Variants in GLDC observed in about 807,000 individuals in gnomAD.
GLDC encodes the protein glycine dehydrogenase (decarboxylating), mitochondrial.
A neutral mutation model predicts 121.3 loss-of-function variants in GLDC; 104 were observed. That is an observed-to-expected ratio of 0.86 (90% CI 0.73 to 1.01). The LOEUF (loss-of-function observed/expected upper bound fraction) is 1.01, where lower values mean the gene tolerates loss of function less well. Ranked by LOEUF, GLDC falls within the 50% of genes least tolerant of loss-of-function variation. The pLI is 0.00. For synonymous variants in GLDC, 546 were observed against 480.6 expected (o/e 1.14, Z -1.78); for missense variants, 1,429 against 1,306.6 (o/e 1.09, Z -1.44).
At chr9:6,618,389 C>A (rs1048676815) in intron 3 of GLDC, among the ~76,000 whole-genome samples, 1 of 152,186 alleles carries the variant, frequency 6.6e-6, no homozygotes, top group Non-Finnish European at 1.5e-5. Context: ...CTCACCACAA[C>A]CTCCACCTCC....
chr9:6,556,345 T>C (rs1563835911), intron 17 of GLDC, 43 bp from the exon 18 acceptor site: 4 of 1,557,230 alleles, frequency 2.6e-6, no homozygotes, highest in Non-Finnish European at 3.5e-6. Flanking sequence ...AGGGAGGATA[T>C]GTTTCTTTCT....
intron 20 of GLDC, among the ~76,000 whole-genome samples, chr9:6,553,080 T>C (rs780707555): frequency 4.6e-5 from 7 of 152,202 alleles, no homozygotes; most frequent in Non-Finnish European, 1.0e-4. Flanking sequence ...ATATGACTCA[T>C]GGAACTTAGC....
chr9:6,617,292 GTACAGGACAACA>G (rs764532891), intron 3 of GLDC, among the ~76,000 whole-genome samples: 10 of 152,162 alleles, frequency 6.6e-5, no homozygotes, highest in Non-Finnish European at 1.2e-4. Flanking sequence ...TAAATGAAAA[GTACAGGACAACA>G]TCATCTCCTT....
intron 21 of GLDC, 139 bp from the exon 22 acceptor site, chr9:6,540,285 T>G (rs1433705884): frequency 4.3e-6 from 3 of 696,118 alleles, no homozygotes; most frequent in Admixed American, 2.2e-5. Flanking sequence ...GGGCACCGGG[T>G]AAGTTTATTA....
chr9:6,631,136 T>G (rs1002775114), intron 2 of GLDC, among the ~76,000 whole-genome samples: 6 of 152,222 alleles, frequency 3.9e-5, no homozygotes, highest in African/African-American at 1.4e-4. Context: ...AACCTGGGGC[T>G]CTGAGTCTCC....
intron 21 of GLDC, among the ~76,000 whole-genome samples, chr9:6,547,992 G>T (rs528362667): frequency 6.6e-6 from 1 of 152,170 alleles, no homozygotes; most frequent in African/African-American, 2.4e-5. Flanking sequence ...AAATAAATTA[G>T]CCAGGTGTGG....
intron 15 of GLDC, among the ~76,000 whole-genome samples, chr9:6,583,130 T>C (rs1818203821): frequency 6.6e-6 from 1 of 152,082 alleles, no homozygotes; most frequent in Non-Finnish European, 1.5e-5. Flanking sequence ...TGTTAAATGG[T>C]GCAACCCCTG....
At chr9:6,556,623 T>C (rs1251379398) in intron 17 of GLDC, among the ~76,000 whole-genome samples, 4 of 151,974 alleles carry the variant, frequency 2.6e-5, no homozygotes, top group Non-Finnish European at 5.9e-5. Context: ...TGAAACCCCG[T>C]CTCTACTAAA....
intron 17 of GLDC, among the ~76,000 whole-genome samples, chr9:6,557,158 T>C (rs1817650862): frequency 6.6e-6 from 1 of 152,020 alleles, no homozygotes; most frequent in South Asian, 2.1e-4. Flanking sequence ...AAGGAGGATA[T>C]TGAACGTTCC....
intron 3 of GLDC, among the ~76,000 whole-genome samples, chr9:6,611,334 G>A (rs1028702679): frequency 5.9e-5 from 9 of 152,186 alleles, no homozygotes; most frequent in Non-Finnish European, 1.3e-4. Context: ...AAGGCGGGCG[G>A]ATCACGAGGT....
At chr9:6,641,011 G>C (rs1244896423) in intron 2 of GLDC, among the ~76,000 whole-genome samples, 1 of 152,166 alleles carries the variant, frequency 6.6e-6, no homozygotes, top group African/African-American at 2.4e-5. Flanking sequence ...ACTTGAGCAG[G>C]ACAGGATTTT....
chr9:6,572,415 G>C (rs1441252146), intron 15 of GLDC, among the ~76,000 whole-genome samples: 3 of 152,212 alleles, frequency 2.0e-5, no homozygotes, highest in Non-Finnish European at 4.4e-5. Context: ...GCTGAGTTTA[G>C]AGGTGTGTGT....
chr9:6,546,326 G>A (rs1250058947), intron 21 of GLDC, among the ~76,000 whole-genome samples: 3 of 151,506 alleles, frequency 2.0e-5, no homozygotes, highest in Non-Finnish European at 4.4e-5. Context: ...CCAAGTAGCT[G>A]GGACTACAGG....
chr9:6,623,911 A>C (rs1819174825), intron 2 of GLDC, among the ~76,000 whole-genome samples: 1 of 152,262 alleles, frequency 6.6e-6, no homozygotes. Context: ...ATTAATTAGC[A>C]GTGCCTTGTA....
chr9:6,568,558 G>T (rs1354401388), intron 15 of GLDC, among the ~76,000 whole-genome samples: 1 of 152,094 alleles, frequency 6.6e-6, no homozygotes, highest in African/African-American at 2.4e-5. Flanking sequence ...GAAAAACAAG[G>T]CCCTCCATGC....
chr9:6,610,113 A>AATATGT, intron 4 of GLDC, 79 bp downstream of exon 4: 1 of 1,096,462 alleles, frequency 9.1e-7, no homozygotes. Context: ...AGTAATATTC[A>AATATGT]CAATATACTA....
rs188662955 is a variant in GLDC at position 6,585,462 on chromosome 9, C to G, written c.1850+1679G>C. 3.1e-3 allele frequency among the ~76,000 whole-genome samples: 470 copies of G among 152,288 alleles called. 1 individual carries two copies. The highest frequency in any genetic ancestry group is 5.1e-3 in the Non-Finnish European group (350 of 68,040). Reference sequence around the variant, plus strand: ...AGAAGGTATACTAAAGCTTGACTTTCATGCTATCAGCTCCTACCTATTTAT... The same window carrying G: ...AGAAGGTATACTAAAGCTTGACTTTGATGCTATCAGCTCCTACCTATTTAT... On this transcript the variant is annotated intron_variant, in intron 15 of 24. Transcript: ENST00000321612.
chr9:6,554,686 G>A lies in GLDC; in HGVS notation c.2298C>T (p.Gly766=), dbSNP rs1031003330. 2.5e-6 allele frequency: 4 copies of A among 1,611,342 alleles called. No homozygotes were observed. Among genetic ancestry groups the A allele is most frequent in the Non-Finnish European group, 3.4e-6 (4 of 1,179,094 alleles). The change falls in exon 19 of 25, where the codon GGC becomes GGT. Residue 766 remains glycine (G), a synonymous_variant. Coordinates refer to ENST00000321612, the MANE Select transcript of GLDC (RefSeq NM_000170.3). ...FCIPHGGGGP[G]MGPIGVKKHL... is the part of the protein sequence containing the mutation. ...GAACTTACACTCCGATGGGCCCCAT[G>A]CCAGGACCACCTCCTCCGTGGGGAA... is the stretch of plus-strand genomic sequence containing the variant.
intron 7 of GLDC, 48 bp from the exon 8 acceptor site, chr9:6,602,253 G>A: frequency 2.8e-6 from 3 of 1,081,456 alleles, no homozygotes; most frequent in South Asian, 1.2e-5. Context: ...TCACAGCACT[G>A]GGAGATGCTA....
Sources: gnomAD v4.1 joint callset for allele counts (sites outside exome capture counted in the v4.1 genomes callset) on GRCh38, gnomAD v4.1.1 for gene constraint, MANE v1.5 for transcripts, NCBI Gene and HGNC (gene_info 2026-07-23, HGNC 2026-07-21) for gene names.